Variants in SEL1L observed in about 807,000 individuals in gnomAD.
SEL1L encodes protein sel-1 homolog 1.
Under a neutral mutation model 109.8 loss-of-function variants are expected in SEL1L, and 52 were observed. The observed-to-expected ratio is 0.47, with a 90% CI of 0.38 to 0.60. SEL1L has a LOEUF of 0.60. SEL1L is among the 20% of genes least tolerant of loss of function. The probability of loss-of-function intolerance (pLI) is 0.00; values close to 1 mark genes in which losing one functional copy is unlikely to be tolerated. For missense variants in SEL1L, 749 were observed against 962.2 expected (o/e 0.78, Z 2.93); for synonymous variants, 373 against 339.6 (o/e 1.10, Z -1.08).
chr14:81,491,482 CAG>C (rs906541792), intron 12 of SEL1L, among the ~76,000 whole-genome samples: 4 of 152,124 alleles, frequency 2.6e-5, no homozygotes, highest in African/African-American at 9.7e-5. Flanking sequence ...TTAACAAAAA[CAG>C]AGGGAAATAC....
intron 8 of SEL1L, chr14:81,499,175 C>T (rs1014425814): frequency 1.7e-6 from 2 of 1,142,888 alleles, no homozygotes; most frequent in African/African-American, 3.2e-5. Context: ...CTGACAATTC[C>T]AACTCAGAGA....
chr14:81,487,677 C>CA, intron 15 of SEL1L, 139 bp from the exon 16 acceptor site: 5 of 1,507,594 alleles, frequency 3.3e-6, no homozygotes, highest in Non-Finnish European at 4.4e-6. Flanking sequence ...CAAGCTAACA[C>CA]ACTGATACAG....
intron 12 of SEL1L, among the ~76,000 whole-genome samples, chr14:81,491,817 T>C (rs1595509268): frequency 6.6e-6 from 1 of 152,206 alleles, no homozygotes; most frequent in South Asian, 2.1e-4. Context: ...GGCTATCACA[T>C]TTAAGACAAT....
chr14:81,487,399 A>G lies in SEL1L; in HGVS notation c.1623T>C (p.Thr541=). 1 of 1,586,688 alleles carries G rather than the reference A, an allele frequency of 6.3e-7. No individual in the cohort carries two copies. Among genetic ancestry groups the G allele is most frequent in the Non-Finnish European group, 8.5e-7 (1 of 1,173,446 alleles). Residue 541 remains threonine (T), a synonymous_variant, in exon 16 of 21, where the codon ACT becomes ACC. Coordinates refer to ENST00000336735, the MANE Select transcript of SEL1L (RefSeq NM_005065.6). ...SGTGVMRSCH[T]AVELFKNVCE... ...GTAGGAAAGACCTTACCTCCACTGC[A>G]GTGTGACATGATCGCATCACGCCGG...
At chr14:81,494,814 ATTAAAG>A (rs1386996178) in intron 11 of SEL1L, among the ~76,000 whole-genome samples, 10 of 152,354 alleles carry the variant, frequency 6.6e-5, no homozygotes, top group African/African-American at 2.4e-4. Context: ...TAATACTCCT[ATTAAAG>A]TTAAAGCTCC....
intron 3 of SEL1L, among the ~76,000 whole-genome samples, chr14:81,519,866 GT>G (rs1884841864): frequency 6.6e-6 from 1 of 152,142 alleles, no homozygotes; most frequent in Admixed American, 6.5e-5. Flanking sequence ...GGCATAAACT[GT>G]TATGTTGTGT....
chr14:81,511,495 G>T (rs1017560949), intron 3 of SEL1L, among the ~76,000 whole-genome samples: 1 of 152,218 alleles, frequency 6.6e-6, no homozygotes, highest in Non-Finnish European at 1.5e-5. Flanking sequence ...AAGCTGTGGT[G>T]TGGCTGGGAT....
intron 4 of SEL1L, among the ~76,000 whole-genome samples, chr14:81,505,624 A>G (rs1017208793): frequency 6.6e-6 from 1 of 152,192 alleles, no homozygotes; most frequent in Admixed American, 6.5e-5. Context: ...GCATCTCTAT[A>G]ATGACATTTA....
intron 11 of SEL1L, among the ~76,000 whole-genome samples, chr14:81,493,609 TGAC>T (rs1203672535): frequency 6.6e-6 from 1 of 152,216 alleles, no homozygotes; most frequent in Non-Finnish European, 1.5e-5. Flanking sequence ...TCTCCAATGA[TGAC>T]TGTTCTGTTA....
At chr14:81,512,660 A>T (rs1406735512) in intron 3 of SEL1L, among the ~76,000 whole-genome samples, 1 of 152,228 alleles carries the variant, frequency 6.6e-6, no homozygotes, top group Non-Finnish European at 1.5e-5. Context: ...TGAACTGCCT[A>T]TCTGTGAGTT....
intron 5 of SEL1L, 96 bp from the exon 6 acceptor site, chr14:81,502,979 T>A: frequency 2.0e-6 from 2 of 1,000,964 alleles, no homozygotes; most frequent in Non-Finnish European, 2.9e-6. Context: ...ATAATTTCCT[T>A]ATGTTACAAA....
At position 81,492,046 on chromosome 14, in the gene SEL1L, G is replaced by T. The variant is rs374188551; in HGVS notation, c.1254+434C>A. 3.1e-3 allele frequency among the ~76,000 whole-genome samples: 467 copies of T among 151,048 alleles called. 2 individuals carry two copies. In the Middle Eastern group the frequency reaches 0.037, roughly 12 times the overall value. ...AAACACTATTTTTTTTTTTTTAGAT[G>T]GAGTCTTGCTCTGTCGCCCAGGCTG... On this transcript the variant is annotated intron_variant, in intron 12 of 20. Transcript: ENST00000336735.
rs200440872 is a variant in SEL1L at position 81,477,029 on chromosome 14, C to A, written c.2328G>T (p.Gly776=). Reference sequence around the variant, plus strand: ...CCTGCTGGGGTGGAGCTGGCCGTGGCCCTGGAGGCCTGGGTGCAGGCATGT... The same window carrying A: ...CCTGCTGGGGTGGAGCTGGCCGTGGACCTGGAGGCCTGGGTGCAGGCATGT... ...HQDMPAPRPP[G]PRPAPPQQEG... is the part of the protein sequence containing the mutation. The change falls in exon 21 of 21, where the codon GGG becomes GGT. Residue 776 remains glycine, a synonymous_variant. Transcript: ENST00000336735. 1 of 1,614,168 alleles carries A rather than the reference C, an allele frequency of 6.2e-7. No homozygotes were observed. Among genetic ancestry groups the A allele is most frequent in the African/African-American group, 1.3e-5 (1 of 75,034 alleles).
chr14:81,499,251 A>G (rs1883902845), intron 8 of SEL1L: 2 of 1,235,630 alleles, frequency 1.6e-6, no homozygotes, highest in Non-Finnish European at 2.0e-6. Context: ...TAATCATTTT[A>G]AAGAAAAATT....
chr14:81,500,623 ACTTTAT>A (rs1883965429), intron 6 of SEL1L, among the ~76,000 whole-genome samples: 2 of 152,338 alleles, frequency 1.3e-5, no homozygotes, highest in East Asian at 1.9e-4. Context: ...TGTAAACATG[ACTTTAT>A]CTTTATGAAC....
rs1418159724 is a variant in SEL1L, at chr14:81,477,152, C to T, written c.2205G>A (p.Met735Ile). ...CCCACTCAGGTCCCAAAAGCTGGTC[C>T]ATATCAAGTTGGGTGAACATATCTC... is the stretch of plus-strand genomic sequence containing the variant. Reference protein sequence around the residue: ...NIRDMFTQLDMDQLLGPEWDL... With the variant: ...NIRDMFTQLDIDQLLGPEWDL... The change falls in exon 21 of 21, where the codon ATG (methionine) becomes ATA (isoleucine). Residue 735 changes from methionine (M) to isoleucine (I), a missense_variant. By Grantham distance (10) the Met-to-Ile change is conservative. Around this residue, in one of 2 missense-constraint regions of SEL1L, gnomAD observed 383 missense variants for 562.5 expected, o/e 0.68. Coordinates refer to ENST00000336735, the MANE Select transcript of SEL1L (RefSeq NM_005065.6). The T allele has an allele frequency of 1.2e-6, 2 of 1,614,066 alleles. No individual in the cohort carries two copies. The highest frequency in any genetic ancestry group is 3.3e-5 in the Admixed American group (2 of 60,018).
At chr14:81,505,791 A>C (rs1471081587) in intron 4 of SEL1L, among the ~76,000 whole-genome samples, 1 of 152,180 alleles carries the variant, frequency 6.6e-6, no homozygotes, top group Non-Finnish European at 1.5e-5. Flanking sequence ...AAAATGTTTT[A>C]TGTTTAATAA....
chr14:81,501,573 A>C (rs1884008184), intron 6 of SEL1L, among the ~76,000 whole-genome samples: 2 of 152,216 alleles, frequency 1.3e-5, no homozygotes, highest in Admixed American at 1.3e-4. Flanking sequence ...AGTTCTAAGA[A>C]AACAACTGTT....
chr14:81,499,652 A>G lies in SEL1L; in HGVS notation c.788T>C (p.Phe263Ser). 1 of 1,607,734 alleles carries G rather than the reference A, an allele frequency of 6.2e-7. No homozygotes were observed. Among genetic ancestry groups the G allele is most frequent in the Non-Finnish European group, 8.5e-7 (1 of 1,178,664 alleles). ...AACACCAAGTCCAGAGGCATACAGA[A>G]AGCCAAGAGCCTGAAATAGATGATA... ...GSPKGQTALG[F>S]LYASGLGVNS... The change falls in exon 7 of 21, where the codon TTT (phenylalanine) becomes TCT (serine). Residue 263 changes from phenylalanine (F) to serine (S), a missense_variant. Phe to Ser is a radical substitution (Grantham distance 155). Transcript: ENST00000336735.
Sources: gnomAD v4.1 joint callset for allele counts (sites outside exome capture counted in the v4.1 genomes callset) on GRCh38, gnomAD v4.1.1 for gene constraint, gnomAD v4.1.1 regional missense constraint, MANE v1.5 for transcripts, NCBI Gene and HGNC (gene_info 2026-07-23, HGNC 2026-07-21) for gene names.